EDARADD: variants seen among roughly 807,000 people sequenced by gnomAD.
The protein encoded by EDARADD is EDAR associated via death domain.
EDARADD carries 20 observed loss-of-function variants against 25.6 expected under a neutral mutation model. That is an observed-to-expected ratio of 0.78 (90% CI 0.55 to 1.14). The LOEUF (loss-of-function observed/expected upper bound fraction) is 1.14. Among genes scored for constraint, EDARADD ranks in the 50% most tolerant of loss-of-function variants. The pLI is 0.00. For synonymous variants in EDARADD, 86 were observed against 94.4 expected (o/e 0.91, Z 0.52); for missense variants, 225 against 270.1 (o/e 0.83, Z 1.17).
Position 236,398,401 on chromosome 1 carries a change from G to A in EDARADD, c.61+3896G>A, listed in dbSNP as rs373607661. Among the ~76,000 whole-genome samples the A allele has an allele frequency of 2.0e-5, 3 of 152,294 alleles. No individual in the cohort carries two copies. Among genetic ancestry groups the A allele is most frequent in the East Asian group, 1.9e-4 (1 of 5,186 alleles). ...TGTGAACCACTGTGCCCAGCCAGTC[G>A]TCTTTTAAAAACAAATCGGATTCTG... On this transcript the variant is annotated intron_variant, in intron 1 of 5. Transcript: ENST00000334232. This position sits in a 1 kb window ranked among gnomAD's most constrained non-coding sequence, Gnocchi z 4.1.
intron 5 of EDARADD, among the ~76,000 whole-genome samples, chr1:236,478,303 C>T (rs1474874452): frequency 3.3e-5 from 5 of 151,340 alleles, no homozygotes; most frequent in African/African-American, 1.2e-4. Context: ...CACTCATAAT[C>T]AGGAGAGTTG....
intron 4 of EDARADD, among the ~76,000 whole-genome samples, chr1:236,467,477 C>T (rs1168320685): frequency 6.6e-6 from 1 of 151,110 alleles, no homozygotes; most frequent in East Asian, 2.0e-4. Flanking sequence ...TGTCCAAGAT[C>T]AGAAAAAATC....
rs189833087 is a variant in EDARADD at position 236,413,666 on chromosome 1, A to G, written c.121-594A>G. The stretch of plus-strand genomic sequence containing the variant: ...TGTAAGTATGAATAAATGAAAAGAA[A>G]TATATGTGATTGTGAGAACATTTGC... On this transcript the variant is annotated intron_variant, in intron 2 of 5. Transcript: ENST00000334232. Among the ~76,000 whole-genome samples the G allele has an allele frequency of 6.8e-3, 1,036 of 152,352 alleles. 12 individuals are homozygous for G. In the Middle Eastern group the frequency reaches 0.075, roughly 11 times the overall value.
At chr1:236,391,248 G>A (rs1054707504), upstream of EDARADD, among the ~76,000 whole-genome samples, 1 of 152,164 alleles carries the variant, frequency 6.6e-6, no homozygotes, top group African/African-American at 2.4e-5. Context: ...CAGGAGTCAG[G>A]GGTGATGTCG....
intron 1 of EDARADD, among the ~76,000 whole-genome samples, chr1:236,405,822 T>TTTCCTTTCCTTCCTTCC (rs1667711947): frequency 3.6e-5 from 2 of 55,392 alleles, no homozygotes; most frequent in African/African-American, 1.6e-4. Flanking sequence ...CCTTCCTTCC[T>TTTCCTTTCCTTCCTTCC]TTCCTTCCTT....
intron 3 of EDARADD, among the ~76,000 whole-genome samples, chr1:236,375,655 C>CAA (rs34232960): frequency 0.045 from 3,369 of 74,482 alleles, 306 homozygotes; most frequent in African/African-American, 0.16. Context: ...GACTTGGTCT[C>CAA]AAAAAAAAAA....
intron 5 of EDARADD, among the ~76,000 whole-genome samples, chr1:236,479,255 A>G (rs34587147): frequency 0.3 from 45,032 of 151,936 alleles, 7,437 homozygotes; most frequent in Non-Finnish European, 0.36. Context: ...CAGCAATTCG[A>G]GAGGCTGAGG....
At chr1:236,428,710 C>T (rs1350512999) in intron 4 of EDARADD, among the ~76,000 whole-genome samples, 34 of 144,244 alleles carry the variant, frequency 2.4e-4, no homozygotes, top group East Asian at 6.0e-4. Context: ...CGGGCAGAGA[C>T]GCTCCTCACT....
intron 4 of EDARADD, among the ~76,000 whole-genome samples, chr1:236,447,221 TTTCC>T (rs1330256599): frequency 8.1e-5 from 3 of 36,858 alleles, no homozygotes; most frequent in East Asian, 4.2e-4. Context: ...TCTTTCTTTC[TTTCC>T]TTTCTTTCCT....
chr1:236,483,608 G>C lies in EDARADD; in HGVS notation c.*959G>C. ...ACTCCAAAGTCATCTTGCCAGTCCC[G>C]GTGTTCAATGTCATCAATGGCAGTT... On this transcript the variant is annotated 3_prime_UTR_variant, in exon 6 of 6. Coordinates refer to ENST00000334232, the MANE Select transcript of EDARADD (RefSeq NM_145861.4). 1 of 1,521,278 alleles carries C rather than the reference G, an allele frequency of 6.6e-7. No homozygotes were observed. Among genetic ancestry groups the C allele is most frequent in the African/African-American group, 1.4e-5 (1 of 72,976 alleles). 94.2% of individuals were successfully genotyped at this position (1,521,278 alleles called of 1,614,324 possible).
intron 1 of EDARADD, among the ~76,000 whole-genome samples, chr1:236,405,992 G>A (rs572219192): frequency 4.1e-5 from 6 of 147,372 alleles, no homozygotes; most frequent in South Asian, 2.2e-4. Context: ...TGTCCTGGAC[G>A]CAGCGGGCAT....
rs1257922528 is a variant in EDARADD at position 236,483,486 on chromosome 1, G to T, written c.*837G>T. ...AACAGAAAATAAATCTAAATTTGGT[G>T]CAAATGCCATTCTGGGAGTGTCCCT... On this transcript the variant is annotated 3_prime_UTR_variant, in exon 6 of 6. Transcript: ENST00000334232. The T allele has an allele frequency of 2.0e-6, 2 of 1,016,664 alleles. No homozygotes were observed. Among genetic ancestry groups the T allele is most frequent in the African/African-American group, 1.6e-5 (1 of 63,254 alleles). 63.0% of individuals were successfully genotyped at this position (1,016,664 alleles called of 1,614,324 possible).
chr1:236,392,699 C>T (rs1667441085), upstream of EDARADD, among the ~76,000 whole-genome samples: 1 of 151,814 alleles, frequency 6.6e-6, no homozygotes, highest in African/African-American at 2.4e-5. Context: ...GAGATGGAGT[C>T]TCACTCTGTC....
At chr1:236,435,207 AC>A (rs1479202937) in intron 4 of EDARADD, among the ~76,000 whole-genome samples, 1 of 152,168 alleles carries the variant, frequency 6.6e-6, no homozygotes, top group Non-Finnish European at 1.5e-5. Flanking sequence ...AGGAACACTT[AC>A]TCTTGGAGGT....
chr1:236,441,497 A>G (rs1427646897), intron 4 of EDARADD, among the ~76,000 whole-genome samples: 1 of 146,774 alleles, frequency 6.8e-6, no homozygotes, highest in African/African-American at 2.5e-5. Context: ...TATATATTTT[A>G]TAATATGTAA....
chr1:236,455,775 C>T (rs1386427911), intron 4 of EDARADD, among the ~76,000 whole-genome samples: 3 of 150,438 alleles, frequency 2.0e-5, no homozygotes, highest in Non-Finnish European at 4.4e-5. Context: ...GGGTCGGTTG[C>T]ACTGGAATAG....
chr1:236,460,311 C>T (rs1477720657), intron 4 of EDARADD, among the ~76,000 whole-genome samples: 1 of 151,308 alleles, frequency 6.6e-6, no homozygotes, highest in Non-Finnish European at 1.5e-5. Flanking sequence ...CAGCCTCCCA[C>T]ATAGCTAGGA....
At chr1:236,427,122 T>TC (rs1657942061) in intron 3 of EDARADD, among the ~76,000 whole-genome samples, 1 of 152,172 alleles carries the variant, frequency 6.6e-6, no homozygotes, top group African/African-American at 2.4e-5. Flanking sequence ...CCTCAGGTGA[T>TC]CCGCCTGCCC....
rs1667496299 is a variant in EDARADD at position 236,395,409 on chromosome 1, C to T, written c.61+904C>T. 3 of 1,438,654 alleles carry T rather than the reference C, an allele frequency of 2.1e-6. No homozygotes were observed. The highest frequency in any genetic ancestry group is 2.7e-6 in the Non-Finnish European group (3 of 1,096,018). 89.1% of individuals were successfully genotyped at this position (1,438,654 alleles called of 1,614,324 possible). ...TACCGAGGGACGCGCAGCGAAGGGG[C>T]TTTGCTAATTGCCAAAGCAGGAAGT... On this transcript the variant is annotated intron_variant, in intron 1 of 5. Transcript: ENST00000334232. The surrounding 1 kb of genome is among the most constrained non-coding windows in gnomAD (Gnocchi z 6.9).
Sources: allele counts gnomAD v4.1 joint callset (sites outside exome capture counted in the v4.1 genomes callset), GRCh38; gene constraint gnomAD v4.1.1; non-coding constraint Gnocchi (gnomAD v3.1); transcripts MANE v1.5; gene names NCBI Gene and HGNC (gene_info 2026-07-23, HGNC 2026-07-21).